The following ARHGAP24 variants were observed in gnomAD, a reference collection of about 807,000 sequenced individuals.
ARHGAP24 encodes Rho GTPase activating protein 24.
A neutral mutation model predicts 76.4 loss-of-function variants in ARHGAP24; 50 were observed. The observed-to-expected ratio is 0.65, with a 90% CI of 0.52 to 0.83. The LOEUF is 0.83. Among genes scored for constraint, ARHGAP24 ranks in the 40% least tolerant of loss-of-function variants. The pLI, the probability that ARHGAP24 is intolerant of heterozygous loss-of-function variation, is 0.00. For missense variants in ARHGAP24, 930 were observed against 914.2 expected (o/e 1.02, Z -0.22); for synonymous variants, 345 against 323.3 (o/e 1.07, Z -0.72).
At chr4:85,885,333 T>C (rs1432750810) in intron 3 of ARHGAP24, among the ~76,000 whole-genome samples, 1 of 152,160 alleles carries the variant, frequency 6.6e-6, no homozygotes, top group African/African-American at 2.4e-5. Context: ...GTGTCTATTA[T>C]AGGTTTTAAA....
At chr4:85,584,438 T>C (rs1254521755) in intron 2 of ARHGAP24, among the ~76,000 whole-genome samples, 1 of 131,582 alleles carries the variant, frequency 7.6e-6, no homozygotes, top group Non-Finnish European at 1.6e-5. Context: ...CTGAGGACTG[T>C]TGTGGGGTTG....
intron 4 of ARHGAP24, among the ~76,000 whole-genome samples, chr4:85,937,129 T>G (rs945779363): frequency 1.3e-5 from 2 of 152,164 alleles, no homozygotes; most frequent in Non-Finnish European, 2.9e-5. Flanking sequence ...TGGCAGCACT[T>G]GGCTGGATTG....
chr4:85,901,391 A>AC (rs199873107), intron 3 of ARHGAP24, among the ~76,000 whole-genome samples: 118 of 149,782 alleles, frequency 7.9e-4, no homozygotes, highest in African/African-American at 1.7e-3. Context: ...ACAAACAACA[A>AC]AAAAAAAAAA....
At chr4:85,484,315 A>C (rs1722934768) in intron 1 of ARHGAP24, among the ~76,000 whole-genome samples, 1 of 152,178 alleles carries the variant, frequency 6.6e-6, no homozygotes, top group African/African-American at 2.4e-5. Flanking sequence ...AATGACTGTC[A>C]AATTAGAAAT....
intron 2 of ARHGAP24, among the ~76,000 whole-genome samples, chr4:85,683,125 G>GCGGGGGT (rs140818785): frequency 1.7e-4 from 18 of 107,750 alleles, no homozygotes; most frequent in African/African-American, 5.9e-4. Flanking sequence ...GGTGGGGGGG[G>GCGGGGGT]GGTGCGGGGG....
intron 2 of ARHGAP24, among the ~76,000 whole-genome samples, chr4:85,715,102 A>C (rs1724684794): frequency 6.6e-6 from 1 of 152,126 alleles, no homozygotes; most frequent in Non-Finnish European, 1.5e-5. Flanking sequence ...AATTACATGC[A>C]AAGTGTTTAG....
chr4:85,539,953 G>A (rs1479315480), intron 1 of ARHGAP24, among the ~76,000 whole-genome samples: 1 of 152,132 alleles, frequency 6.6e-6, no homozygotes, highest in Non-Finnish European at 1.5e-5. Flanking sequence ...GCTGAGGCAG[G>A]AGAATCGCTT....
Position 85,484,086 on chromosome 4 carries a change from A to G in ARHGAP24, c.-21+8527A>G, listed in dbSNP as rs367622481. The stretch of plus-strand genomic sequence containing the variant: ...GCTGTCCAGTGTTTGTGTGACTTCA[A>G]TTTCGTGTAGGTTTTTTCCCTATTT... On this transcript the variant is annotated intron_variant, in intron 1 of 9. Transcript: ENST00000395184. Among the ~76,000 whole-genome samples, 4 of 152,276 alleles carry G rather than the reference A, an allele frequency of 2.6e-5. No homozygotes were observed. The South Asian group carries it at 6.2e-4, about 24-fold the overall frequency.
chr4:85,481,432 A>G (rs1217773407), intron 1 of ARHGAP24, among the ~76,000 whole-genome samples: 1 of 152,136 alleles, frequency 6.6e-6, no homozygotes, highest in East Asian at 1.9e-4. Context: ...TCTCAATATG[A>G]TTCTCATGAA....
chr4:85,647,643 TAAC>T (rs1163041560), intron 2 of ARHGAP24, among the ~76,000 whole-genome samples: 1 of 152,162 alleles, frequency 6.6e-6, no homozygotes, highest in Non-Finnish European at 1.5e-5. Flanking sequence ...ATTTTCATCT[TAAC>T]AACTCTACAG....
chr4:85,772,231 G>A (rs1170524228), intron 3 of ARHGAP24, among the ~76,000 whole-genome samples: 2 of 151,988 alleles, frequency 1.3e-5, no homozygotes, highest in Non-Finnish European at 2.9e-5. Context: ...TCATAGGTAG[G>A]GTGACATGTG....
Position 85,995,383 on chromosome 4 carries a change from A to T in ARHGAP24, c.1729A>T (p.Thr577Ser). ...CAACTCCTGTCGCTCTTCTACCACC[A>T]CCTGCCCAGAGCAAGACTTTTTTGG... ...NSNSCRSSTT[T>S]CPEQDFFGGN... Residue 577 changes from threonine to serine, a missense_variant, in exon 9 of 10, where the codon ACC becomes TCC. By Grantham distance (58) the Thr-to-Ser change is moderately conservative (BLOSUM62 1). Transcript: ENST00000395184. 1 of 1,613,640 alleles carries T rather than the reference A, an allele frequency of 6.2e-7. No homozygotes were observed. Among genetic ancestry groups the T allele is most frequent in the Non-Finnish European group, 8.5e-7 (1 of 1,179,864 alleles).
At chr4:85,579,189 G>A (rs1324007327) in intron 2 of ARHGAP24, among the ~76,000 whole-genome samples, 1 of 152,026 alleles carries the variant, frequency 6.6e-6, no homozygotes, top group Non-Finnish European at 1.5e-5. Flanking sequence ...AACTATTGGA[G>A]TTGAATTCCT....
intron 2 of ARHGAP24, among the ~76,000 whole-genome samples, chr4:85,708,380 C>G (rs1871865): frequency 0.64 from 97,763 of 151,998 alleles, 33,851 homozygotes; most frequent in Non-Finnish European, 0.79. Flanking sequence ...CACTTCACAT[C>G]TATAAACTTT....
rs912489122 is a variant in ARHGAP24, at chr4:85,570,965, G to C, written c.180+244G>C. ...TAATATTTACTAAGCCAGAGGAGAA[G>C]GTCTCACTTCCTCTGGCAAACTTAG... On this transcript the variant is annotated intron_variant, in intron 2 of 9. Transcript: ENST00000395184. The C allele has an allele frequency of 7.4e-5, 29 of 391,166 alleles. No homozygotes were observed. In the Admixed American group the frequency reaches 1.1e-3, roughly 15 times the overall value. 24.2% of individuals were successfully genotyped at this position (391,166 alleles called of 1,614,324 possible).
At position 85,853,604 on chromosome 4, in the gene ARHGAP24, C is replaced by T. The variant is rs191900323; in HGVS notation, c.269-70044C>T. On this transcript the variant is annotated intron_variant, in intron 3 of 9. Coordinates refer to ENST00000395184, the MANE Select transcript of ARHGAP24 (RefSeq NM_001025616.3). ...ACTGGAGCTCTTCCTATTCGGCCAT[C>T]TTGGAACGGACCTAAATGAATAGTA... 8.4e-3 allele frequency among the ~76,000 whole-genome samples: 1,285 copies of T among 152,252 alleles called. 11 individuals carry two copies. The highest frequency in any genetic ancestry group is 0.013 in the Non-Finnish European group (902 of 68,022).
intron 3 of ARHGAP24, among the ~76,000 whole-genome samples, chr4:85,850,966 C>T (rs576979087): frequency 3.9e-4 from 60 of 152,104 alleles, no homozygotes; most frequent in African/African-American, 1.0e-3. Flanking sequence ...CTATTAGGTC[C>T]CCTTGGTGCA....
chr4:85,494,182 A>G (rs1169753035), intron 1 of ARHGAP24, among the ~76,000 whole-genome samples: 1 of 152,122 alleles, frequency 6.6e-6, no homozygotes, highest in South Asian at 2.1e-4. Context: ...AAAAAATGGT[A>G]TGGATATGCA....
At chr4:85,850,333 C>T (rs1731148985) in intron 3 of ARHGAP24, among the ~76,000 whole-genome samples, 1 of 152,050 alleles carries the variant, frequency 6.6e-6, no homozygotes, top group Non-Finnish European at 1.5e-5. Context: ...TTTGATTCTT[C>T]TCTCTTTTCT....
Sources: gnomAD v4.1 joint callset for allele counts (sites outside exome capture counted in the v4.1 genomes callset) on GRCh38, gnomAD v4.1.1 for gene constraint, MANE v1.5 for transcripts, NCBI Gene and HGNC (gene_info 2026-07-23, HGNC 2026-07-21) for gene names.